The following KIF27 variants were observed in gnomAD, a reference collection of about 807,000 sequenced individuals.
KIF27 encodes the protein kinesin-like protein KIF27.
KIF27 carries 84 observed loss-of-function variants against 141.8 expected under a neutral mutation model. The ratio of observed to expected loss-of-function variants is 0.59; its 90% CI spans 0.50 to 0.71. The LOEUF (loss-of-function observed/expected upper bound fraction) is 0.71. KIF27 is among the 30% of genes least tolerant of loss of function. The pLI is 0.00. For synonymous variants in KIF27, 471 were observed against 569.5 expected (o/e 0.83, Z 2.46); for missense variants, 1,306 against 1,628.4 (o/e 0.80, Z 3.41).
At chr9:83,845,259 G>A (rs1288692614) in intron 16 of KIF27, among the ~76,000 whole-genome samples, 4 of 152,296 alleles carry the variant, frequency 2.6e-5, no homozygotes, top group East Asian at 3.9e-4. Context: ...GAAACTGAAC[G>A]TTTGACTATG....
At chr9:83,873,277 C>T (rs1950943130) in intron 11 of KIF27, among the ~76,000 whole-genome samples, 1 of 152,170 alleles carries the variant, frequency 6.6e-6, no homozygotes, top group Non-Finnish European at 1.5e-5. Flanking sequence ...CAATCCTCAA[C>T]TCCAAGGCAT....
rs910220476 is a variant in KIF27, at chr9:83,912,984, C to T, written c.298+2310G>A. On this transcript the variant is annotated intron_variant, in intron 2 of 17. Coordinates refer to ENST00000297814, the MANE Select transcript of KIF27 (RefSeq NM_017576.4). ...CCAGCCTGGACAACATGGCAAAACCCTGTCTCTGCAAAAAATTAAAAAAAA... is the reference window on the plus strand; with the variant it reads ...CCAGCCTGGACAACATGGCAAAACCTTGTCTCTGCAAAAAATTAAAAAAAA... 5.3e-5 allele frequency among the ~76,000 whole-genome samples: 8 copies of T among 151,508 alleles called. No individual in the cohort carries two copies. The South Asian group carries it at 6.3e-4, about 12-fold the overall frequency.
At chr9:83,858,537 CA>C (rs917999356) in intron 14 of KIF27, 4 of 152,044 alleles carry the variant, frequency 2.6e-5, no homozygotes, top group Non-Finnish European at 5.9e-5. Context: ...TGAAAAAAGA[CA>C]AAGTCTGGGG....
At chr9:83,896,550 C>T (rs1953281110) in intron 5 of KIF27, among the ~76,000 whole-genome samples, 1 of 151,848 alleles carries the variant, frequency 6.6e-6, no homozygotes, top group Non-Finnish European at 1.5e-5. Context: ...AAAATGTAGG[C>T]CATTACTGAG....
At chr9:83,913,279 C>T (rs761363401) in intron 2 of KIF27, among the ~76,000 whole-genome samples, 8 of 152,120 alleles carry the variant, frequency 5.3e-5, no homozygotes, top group Non-Finnish European at 8.8e-5. Context: ...GTGCCCAGCA[C>T]GGTAACCTAG....
chr9:83,867,683 C>T lies in KIF27; in HGVS notation c.2934+1G>A, dbSNP rs562215037. ...ATCAAGTAGTGTATTAAACAGAATA[C>T]CTGACTAGATCTCAATTTCTTATTT... On this transcript the variant is annotated splice_donor_variant, in intron 13 of 17. Transcript: ENST00000297814. LOFTEE classifies it high-confidence loss of function. 6.2e-5 allele frequency: 99 copies of T among 1,602,318 alleles called. 3 individuals carry two copies. The South Asian group carries it at 1.0e-3, about 17-fold the overall frequency.
chr9:83,834,762 C>G lies in KIF27; in HGVS notation c.*2239G>C, dbSNP rs934823234. ...TGCTGTGCTTGCTAAGGGCACTGAC[C>G]TTTGGCCATTATATATATCTATATC... is the stretch of plus-strand genomic sequence containing the variant. On this transcript the variant is annotated 3_prime_UTR_variant, in exon 18 of 18. Coordinates refer to ENST00000297814, the MANE Select transcript of KIF27 (RefSeq NM_017576.4). Among the ~76,000 whole-genome samples, 1 of 150,264 alleles carries G rather than the reference C, an allele frequency of 6.7e-6. No homozygotes were observed. The highest frequency in any genetic ancestry group is 2.1e-4 in the South Asian group (1 of 4,778).
chr9:83,902,531 A>T (rs141348520), intron 4 of KIF27, among the ~76,000 whole-genome samples: 10 of 152,340 alleles, frequency 6.6e-5, no homozygotes, highest in Non-Finnish European at 1.5e-4. Context: ...CATTCCTTAA[A>T]CATTAATAAA....
Position 83,875,835 on chromosome 9 carries a change from C to G in KIF27, c.2643+4462G>C, listed in dbSNP as rs571190394. Reference sequence around the variant, plus strand: ...AGTGGGTGATAGAGCCAGAAGCCAGCTGGAGAGGATAAGAGAATGAATGAA... The same window carrying G: ...AGTGGGTGATAGAGCCAGAAGCCAGGTGGAGAGGATAAGAGAATGAATGAA... On this transcript the variant is annotated intron_variant, in intron 11 of 17. Coordinates refer to ENST00000297814, the MANE Select transcript of KIF27 (RefSeq NM_017576.4). Among the ~76,000 whole-genome samples the G allele has an allele frequency of 8.6e-5, 13 of 151,998 alleles. 1 individual carries two copies. Among genetic ancestry groups the G allele is most frequent in the East Asian group, 5.8e-4 (3 of 5,158 alleles).
intron 6 of KIF27, among the ~76,000 whole-genome samples, 198 bp downstream of exon 6, chr9:83,891,097 C>T (rs1268118982): frequency 3.3e-5 from 5 of 152,044 alleles, no homozygotes; most frequent in African/African-American, 1.2e-4. Context: ...CCAACTATTC[C>T]CTCCAAATGT....
At chr9:83,846,738 C>T (rs921323332) in intron 16 of KIF27, among the ~76,000 whole-genome samples, 6 of 152,104 alleles carry the variant, frequency 3.9e-5, no homozygotes, top group Non-Finnish European at 8.8e-5. Context: ...TTCCTGTTCC[C>T]GCAATATTAT....
chr9:83,910,162 C>A (rs1374809959), intron 2 of KIF27, among the ~76,000 whole-genome samples: 1 of 151,854 alleles, frequency 6.6e-6, no homozygotes, highest in African/African-American at 2.4e-5. Flanking sequence ...GCCCTTGGCT[C>A]ATAAAACATC....
At position 83,904,471 on chromosome 9, in the gene KIF27, T is replaced by G. The variant is rs145688805; in HGVS notation, c.500-453A>C. Among the ~76,000 whole-genome samples the G allele has an allele frequency of 1.7e-3, 258 of 152,196 alleles. 1 individual carries two copies. The highest frequency in any genetic ancestry group is 5.8e-3 in the African/African-American group (240 of 41,538). ...CTGCAACCTCTACCTCGGGTTCAAGTGATTCTCCTGCCTTAGCCTCCCGAG... is the reference window on the plus strand; with the variant it reads ...CTGCAACCTCTACCTCGGGTTCAAGGGATTCTCCTGCCTTAGCCTCCCGAG... On this transcript the variant is annotated intron_variant, in intron 3 of 17. Transcript: ENST00000297814.
chr9:83,866,825 C>T (rs2131989020), intron 13 of KIF27, among the ~76,000 whole-genome samples: 1 of 151,610 alleles, frequency 6.6e-6, no homozygotes, highest in Non-Finnish European at 1.5e-5. Flanking sequence ...GCAGTGAGCA[C>T]AGATCGCGCC....
At chr9:83,861,470 G>T (rs1373904323) in intron 13 of KIF27, among the ~76,000 whole-genome samples, 1 of 152,048 alleles carries the variant, frequency 6.6e-6, no homozygotes, top group Non-Finnish European at 1.5e-5. Flanking sequence ...GAGAATGATG[G>T]TTTCCAGCTT....
At chr9:83,908,428 A>C in intron 3 of KIF27, 24 bp downstream of exon 3, 1 of 1,458,558 alleles carries the variant, frequency 6.9e-7, no homozygotes, top group Non-Finnish European at 9.5e-7. Flanking sequence ...TAATGAAGGC[A>C]ACTGATTAAG....
At chr9:83,874,651 T>C (rs1365742254) in intron 11 of KIF27, among the ~76,000 whole-genome samples, 1 of 152,078 alleles carries the variant, frequency 6.6e-6, no homozygotes, top group Non-Finnish European at 1.5e-5. Flanking sequence ...GTGCCCTAGG[T>C]GGCAAGGTGT....
chr9:83,899,563 C>T, intron 5 of KIF27, 98 bp downstream of exon 5: 2 of 890,816 alleles, frequency 2.2e-6, no homozygotes, highest in African/African-American at 1.6e-5. Flanking sequence ...AAATGAACAT[C>T]CTTTTTTTAA....
At chr9:83,906,562 GA>G (rs1563998913) in intron 3 of KIF27, among the ~76,000 whole-genome samples, 1 of 151,940 alleles carries the variant, frequency 6.6e-6, no homozygotes, top group Non-Finnish European at 1.5e-5. Flanking sequence ...GCAACATGGT[GA>G]AACCCCGTCT....
Sources: allele counts gnomAD v4.1 joint callset (sites outside exome capture counted in the v4.1 genomes callset), GRCh38; gene constraint gnomAD v4.1.1; transcripts MANE v1.5; gene names NCBI Gene and HGNC (gene_info 2026-07-23, HGNC 2026-07-21).